Variants in GREB1L observed in about 807,000 individuals in gnomAD.
GREB1L encodes GREB1-like protein.
GREB1L carries 17 observed loss-of-function variants against 200.8 expected under a neutral mutation model. The observed-to-expected ratio is 0.08, with a 90% CI of 0.06 to 0.13. The LOEUF (loss-of-function observed/expected upper bound fraction) is 0.13, where lower values mean the gene tolerates loss of function less well. Among genes scored for constraint, GREB1L ranks in the 10% least tolerant of loss-of-function variants. The pLI, the probability that GREB1L is intolerant of heterozygous loss-of-function variation, is 1.00. For synonymous variants in GREB1L, 789 were observed against 893.0 expected (o/e 0.88, Z 2.08); for missense variants, 1,657 against 2,367.7 (o/e 0.70, Z 6.23).
In GREB1L at chr18:21,516,662, C is replaced by T; in HGVS notation, c.5179C>T (p.Leu1727=). ...DFNLRTNSSG[L]LICRFNNFSL... Reference sequence around the variant, plus strand: ...TAATCTGAGAACAAACAGTAGTGGCCTGCTCATCTGCCGCTTTAATAACTT... The same window carrying T: ...TAATCTGAGAACAAACAGTAGTGGCTTGCTCATCTGCCGCTTTAATAACTT... The change falls in exon 30 of 33, where the codon CTG becomes TTG. Residue 1727 remains leucine (L), a synonymous_variant. Transcript: ENST00000424526. The T allele has an allele frequency of 6.4e-7, 1 of 1,551,384 alleles. No homozygotes were observed.
chr18:21,271,867 C>T (rs73959826), intron 1 of GREB1L, among the ~76,000 whole-genome samples: 1,562 of 152,182 alleles, frequency 0.01, 30 homozygotes, highest in African/African-American at 0.035. Context: ...GACCATCCCT[C>T]ACTACAGGGG....
intron 11 of GREB1L, among the ~76,000 whole-genome samples, chr18:21,446,311 C>T (rs1326090598): frequency 6.6e-6 from 1 of 152,238 alleles, no homozygotes; most frequent in Non-Finnish European, 1.5e-5. Context: ...GCATGAGTCA[C>T]CACGCCCGGC....
At chr18:21,377,759 C>T (rs1207423194) in intron 2 of GREB1L, among the ~76,000 whole-genome samples, 1 of 151,974 alleles carries the variant, frequency 6.6e-6, no homozygotes, top group Non-Finnish European at 1.5e-5. Flanking sequence ...AAAATACAAA[C>T]ATTAGCCAGG....
chr18:21,346,444 G>C (rs1464210614), intron 1 of GREB1L, among the ~76,000 whole-genome samples: 1 of 151,742 alleles, frequency 6.6e-6, no homozygotes, highest in Non-Finnish European at 1.5e-5. Context: ...ATAGGATCTA[G>C]TTGCAGCAAT....
At chr18:21,307,768 G>A (rs1448293616) in intron 1 of GREB1L, among the ~76,000 whole-genome samples, 1 of 152,072 alleles carries the variant, frequency 6.6e-6, no homozygotes, top group Non-Finnish European at 1.5e-5. Context: ...GGGGAGGAGT[G>A]AGGTCAGGCT....
intron 7 of GREB1L, among the ~76,000 whole-genome samples, chr18:21,413,885 C>T (rs1399147178): frequency 1.2e-4 from 18 of 152,176 alleles, no homozygotes; most frequent in Non-Finnish European, 2.5e-4. Context: ...AAGTCATTTT[C>T]ACTTATTACA....
At chr18:21,509,650 G>T (rs935885747) in intron 27 of GREB1L, among the ~76,000 whole-genome samples, 1 of 151,868 alleles carries the variant, frequency 6.6e-6, no homozygotes, top group African/African-American at 2.4e-5. Context: ...GTGAATTAAG[G>T]CTTCTGAATA....
intron 1 of GREB1L, among the ~76,000 whole-genome samples, chr18:21,337,448 G>A (rs906163505): frequency 5.3e-5 from 8 of 152,186 alleles, no homozygotes; most frequent in African/African-American, 1.9e-4. Flanking sequence ...GTAGTGGAGA[G>A]TGGACGTGAT....
intron 31 of GREB1L, 74 bp downstream of exon 31, chr18:21,518,308 A>C (rs2037494324): frequency 1.4e-6 from 2 of 1,385,032 alleles, no homozygotes; most frequent in Non-Finnish European, 2.0e-6. Context: ...GTTTACAAAA[A>C]AGGAGCCTGT....
intron 11 of GREB1L, among the ~76,000 whole-genome samples, chr18:21,446,602 C>T (rs2034236263): frequency 6.6e-6 from 1 of 151,596 alleles, no homozygotes. Context: ...AAGCTTTGTA[C>T]ATTGAGACAT....
intron 7 of GREB1L, among the ~76,000 whole-genome samples, chr18:21,420,177 C>T (rs2032031793): frequency 6.6e-6 from 1 of 152,048 alleles, no homozygotes. Context: ...TTGACACCAG[C>T]CTAGCCAACA....
At chr18:21,472,630 G>A (rs997674250) in intron 15 of GREB1L, among the ~76,000 whole-genome samples, 3 of 151,930 alleles carry the variant, frequency 2.0e-5, no homozygotes, top group Non-Finnish European at 4.4e-5. Flanking sequence ...CCAAATTTAG[G>A]GTTAAAAAGG....
At chr18:21,288,605 T>C (rs866702315) in intron 1 of GREB1L, among the ~76,000 whole-genome samples, 7 of 152,224 alleles carry the variant, frequency 4.6e-5, no homozygotes, top group African/African-American at 1.7e-4. Context: ...CTATTTCCCT[T>C]TTATGTAAGT....
At chr18:21,391,964 C>T (rs752214856) in intron 4 of GREB1L, among the ~76,000 whole-genome samples, 2 of 152,120 alleles carry the variant, frequency 1.3e-5, no homozygotes, top group Admixed American at 6.5e-5. Context: ...TCCATGCCAC[C>T]ACCCCCAGCT....
chr18:21,268,463 T>A (rs768286994), intron 1 of GREB1L, among the ~76,000 whole-genome samples: 1 of 144,430 alleles, frequency 6.9e-6, no homozygotes, highest in Admixed American at 7.1e-5. Context: ...ACAAGTTTCA[T>A]GATGTCTATA....
At chr18:21,495,864 T>C (rs1207298610) in intron 20 of GREB1L, 79 bp downstream of exon 20, 93 of 736,234 alleles carry the variant, frequency 1.3e-4, no homozygotes, top group Admixed American at 1.1e-4. Flanking sequence ...GATGGCCCAG[T>C]CATTTCCTTT....
chr18:21,258,395 G>C (rs1410799678), intron 1 of GREB1L, among the ~76,000 whole-genome samples: 1 of 152,172 alleles, frequency 6.6e-6, no homozygotes, highest in Non-Finnish European at 1.5e-5. Context: ...CAAGCACATA[G>C]TTGCCCCCTC....
chr18:21,356,496 C>T (rs547068298), intron 1 of GREB1L, among the ~76,000 whole-genome samples: 1 of 152,224 alleles, frequency 6.6e-6, no homozygotes, highest in South Asian at 2.1e-4. Context: ...TTCCAAATAA[C>T]AGGATTTCAT....
intron 1 of GREB1L, among the ~76,000 whole-genome samples, chr18:21,321,619 A>G (rs1312120806): frequency 6.6e-6 from 1 of 152,024 alleles, no homozygotes; most frequent in Non-Finnish European, 1.5e-5. Flanking sequence ...CCCGGGAGGC[A>G]GAGTTTGCAG....
Sources: allele counts gnomAD v4.1 joint callset (sites outside exome capture counted in the v4.1 genomes callset), GRCh38; gene constraint gnomAD v4.1.1; transcripts MANE v1.5; gene names NCBI Gene and HGNC (gene_info 2026-07-23, HGNC 2026-07-21).